LRRC4C: variants seen among roughly 807,000 people sequenced by gnomAD.
The protein encoded by LRRC4C is leucine rich repeat containing 4C.
In LRRC4C, 5 loss-of-function variants were observed where a neutral mutation model predicts 33.6. The ratio of observed to expected loss-of-function variants is 0.15; its 90% CI spans 0.08 to 0.31. The LOEUF (loss-of-function observed/expected upper bound fraction) is 0.31. Ranked by LOEUF, LRRC4C falls within the 10% of genes least tolerant of loss-of-function variation. The pLI is 1.00. For synonymous variants in LRRC4C, 329 were observed against 302.0 expected, an observed-to-expected ratio of 1.09 and a Z score of -0.93; for missense variants, 560 against 796.7, an observed-to-expected ratio of 0.70 and a Z score of 3.58.
intron 2 of LRRC4C, among the ~76,000 whole-genome samples, chr11:40,777,951 G>T (rs1291196590): frequency 6.6e-6 from 1 of 152,122 alleles, no homozygotes; most frequent in Non-Finnish European, 1.5e-5. Flanking sequence ...GCCTCCCAAA[G>T]TGCTGGGATT....
At chr11:40,156,845 G>A (rs1858737887) in intron 5 of LRRC4C, among the ~76,000 whole-genome samples, 1 of 152,068 alleles carries the variant, frequency 6.6e-6, no homozygotes, top group South Asian at 2.1e-4. Flanking sequence ...ACTGCCAAGA[G>A]CAATCTACAA....
intron 3 of LRRC4C, among the ~76,000 whole-genome samples, chr11:40,593,494 C>A (rs1959151217): frequency 6.6e-6 from 1 of 152,148 alleles, no homozygotes; most frequent in Non-Finnish European, 1.5e-5. Context: ...ACGTGCACAA[C>A]ACACACATGT....
In LRRC4C at chr11:40,947,522, G is replaced by A. The variant is rs115583788; in HGVS notation, c.-495-13799C>T. Among the ~76,000 whole-genome samples the A allele has an allele frequency of 7.0e-3, 1,068 of 152,124 alleles. 15 individuals carry two copies. Among genetic ancestry groups the A allele is most frequent in the African/African-American group, 0.025 (1,023 of 41,492 alleles). On this transcript the variant is annotated intron_variant, in intron 1 of 6. Coordinates refer to ENST00000528697, the MANE Select transcript of LRRC4C (RefSeq NM_001258419.2). ...CATGAGATTTTCTACTCCAGCTGGTGGGAATAGGAATTCTTCCTAACCAAA... is the reference window on the plus strand; with the variant it reads ...CATGAGATTTTCTACTCCAGCTGGTAGGAATAGGAATTCTTCCTAACCAAA...
intron 4 of LRRC4C, among the ~76,000 whole-genome samples, chr11:40,301,799 G>A (rs1175436293): frequency 4.6e-5 from 7 of 152,110 alleles, no homozygotes; most frequent in East Asian, 1.9e-4. Flanking sequence ...TTAGTCACTC[G>A]TGATTGAAAT....
chr11:40,966,557 T>C (rs1565251405), intron 1 of LRRC4C, among the ~76,000 whole-genome samples: 1 of 152,110 alleles, frequency 6.6e-6, no homozygotes, highest in Non-Finnish European at 1.5e-5. Context: ...TCCTTTCTAC[T>C]TTTTCCCTTC....
intron 3 of LRRC4C, among the ~76,000 whole-genome samples, chr11:40,631,358 G>A (rs1161267071): frequency 6.6e-6 from 1 of 152,194 alleles, no homozygotes; most frequent in Non-Finnish European, 1.5e-5. Flanking sequence ...TGGAGGATAG[G>A]GTGAGGGTGG....
intron 1 of LRRC4C, among the ~76,000 whole-genome samples, chr11:41,176,263 T>A (rs1590843208): frequency 6.6e-6 from 1 of 152,194 alleles, no homozygotes; most frequent in Non-Finnish European, 1.5e-5. Flanking sequence ...TGGAAGAGCC[T>A]AAGTACATTG....
chr11:40,813,565 C>T (rs564579549), intron 2 of LRRC4C, among the ~76,000 whole-genome samples: 118 of 152,156 alleles, frequency 7.8e-4, no homozygotes, highest in African/African-American at 2.8e-3. Context: ...TCCACCCTGG[C>T]CCCTCCCAAA....
At chr11:41,100,536 C>A (rs1431590752) in intron 1 of LRRC4C, among the ~76,000 whole-genome samples, 1 of 151,832 alleles carries the variant, frequency 6.6e-6, no homozygotes, top group Non-Finnish European at 1.5e-5. Flanking sequence ...CCATTGCATT[C>A]CAGCCTGGGC....
rs547834713 is a variant in LRRC4C, at chr11:40,622,650, A to G, written c.-270+25492T>C. Reference sequence around the variant, plus strand: ...AAGACAATCTTAATGAATTAACTTAATATTATATTGTTTAAACTTTTTGCT... The same window carrying G: ...AAGACAATCTTAATGAATTAACTTAGTATTATATTGTTTAAACTTTTTGCT... On this transcript the variant is annotated intron_variant, in intron 3 of 6. Transcript: ENST00000528697. Among the ~76,000 whole-genome samples, 6 of 151,996 alleles carry G rather than the reference A, an allele frequency of 3.9e-5. No individual in the cohort carries two copies. The South Asian group carries it at 1.2e-3, about 31-fold the overall frequency.
chr11:41,060,875 C>T (rs1252671282), intron 1 of LRRC4C, among the ~76,000 whole-genome samples: 1 of 152,032 alleles, frequency 6.6e-6, no homozygotes, highest in Non-Finnish European at 1.5e-5. Flanking sequence ...AATCAATACC[C>T]GTAACTCAAC....
intron 2 of LRRC4C, among the ~76,000 whole-genome samples, chr11:40,838,577 T>G (rs2135612717): frequency 6.6e-6 from 1 of 151,180 alleles, no homozygotes. Context: ...TCTGCTCTAT[T>G]ACTCTAAGGA....
At chr11:41,337,587 G>T (rs1194803473) in intron 1 of LRRC4C, among the ~76,000 whole-genome samples, 4 of 152,040 alleles carry the variant, frequency 2.6e-5, no homozygotes, top group Middle Eastern at 3.2e-3. Flanking sequence ...AAAAACCTTA[G>T]AAGAAAACCT....
intron 4 of LRRC4C, among the ~76,000 whole-genome samples, chr11:40,247,053 A>T (rs775189585): frequency 4.0e-5 from 6 of 151,466 alleles, no homozygotes; most frequent in African/African-American, 7.3e-5. Context: ...CTCTATCTAA[A>T]CTAATCTTGC....
Position 40,626,315 on chromosome 11 carries a change from C to G in LRRC4C, c.-270+21827G>C, listed in dbSNP as rs567230813. 4.6e-5 allele frequency among the ~76,000 whole-genome samples: 7 copies of G among 152,216 alleles called. No individual in the cohort carries two copies. In the East Asian group the frequency reaches 1.4e-3, roughly 29 times the overall value. ...CTAGCCATACTAGCTAAAATTCAAC[C>G]CCAAGACCCTTATTGCCCTCTTTCC... On this transcript the variant is annotated intron_variant, in intron 3 of 6. Transcript: ENST00000528697.
intron 2 of LRRC4C, among the ~76,000 whole-genome samples, chr11:40,887,933 C>G (rs1345093403): frequency 2.0e-5 from 3 of 151,774 alleles, no homozygotes; most frequent in Non-Finnish European, 4.4e-5. Flanking sequence ...CATGCCTCTC[C>G]TTCATTATAA....
chr11:40,312,747 A>G (rs983331078), intron 4 of LRRC4C, among the ~76,000 whole-genome samples: 6 of 152,214 alleles, frequency 3.9e-5, no homozygotes, highest in African/African-American at 1.4e-4. Context: ...CAGTATGGTC[A>G]TGGTTCCAAC....
intron 1 of LRRC4C, among the ~76,000 whole-genome samples, chr11:41,355,444 C>A (rs1952127392): frequency 6.6e-6 from 1 of 152,124 alleles, no homozygotes; most frequent in Non-Finnish European, 1.5e-5. Context: ...CCCACCTATA[C>A]AATTTAAACA....
At chr11:41,435,891 C>T (rs942140925) in intron 1 of LRRC4C, among the ~76,000 whole-genome samples, 2 of 152,162 alleles carry the variant, frequency 1.3e-5, no homozygotes, top group Non-Finnish European at 2.9e-5. Context: ...TTTTACATAT[C>T]TCTGTAAAAG....
Sources: gnomAD v4.1 joint callset for allele counts (sites outside exome capture counted in the v4.1 genomes callset) on GRCh38, gnomAD v4.1.1 for gene constraint, MANE v1.5 for transcripts, NCBI Gene and HGNC (gene_info 2026-07-23, HGNC 2026-07-21) for gene names.